Variants in ZNF407 observed in about 807,000 individuals in gnomAD.
ZNF407 encodes the protein zinc finger protein 407.
A neutral mutation model predicts 131.2 loss-of-function variants in ZNF407; 17 were observed. The ratio of observed to expected loss-of-function variants is 0.13; its 90% CI spans 0.09 to 0.19. The LOEUF (loss-of-function observed/expected upper bound fraction) is 0.19, where lower values mean the gene tolerates loss of function less well. Ranked by LOEUF, ZNF407 falls within the 10% of genes least tolerant of loss-of-function variation. The probability of loss-of-function intolerance (pLI) is 1.00; values close to 1 mark genes in which losing one functional copy is unlikely to be tolerated. For missense variants in ZNF407, 2,681 were observed against 2,830.6 expected, an observed-to-expected ratio of 0.95 and a Z score of 1.20; for synonymous variants, 1,156 against 1,062.0, an observed-to-expected ratio of 1.09 and a Z score of -1.72.
rs542288732 is a variant in ZNF407 at position 75,002,446 on chromosome 18, C to G, written c.5429-60704C>G. Among the ~76,000 whole-genome samples, 9 of 152,180 alleles carry G rather than the reference C, an allele frequency of 5.9e-5. No homozygotes were observed. In the South Asian group the frequency reaches 1.9e-3, roughly 32 times the overall value. ...TACGTTCCAGTTCTCATTAAATCAC[C>G]TAAGAGCAGCAGGACCCGGGATGAC... On this transcript the variant is annotated intron_variant, in intron 8 of 8. Coordinates refer to ENST00000299687, the MANE Select transcript of ZNF407 (RefSeq NM_017757.3).
intron 5 of ZNF407, among the ~76,000 whole-genome samples, chr18:74,878,583 G>A (rs1273520035): frequency 6.6e-6 from 1 of 152,068 alleles, no homozygotes; most frequent in Non-Finnish European, 1.5e-5. Flanking sequence ...ATAGATTTTT[G>A]TTGTTAGGTC....
intron 4 of ZNF407, among the ~76,000 whole-genome samples, chr18:74,853,188 C>G (rs968788082): frequency 2.6e-5 from 4 of 152,158 alleles, no homozygotes; most frequent in Admixed American, 6.5e-5. Context: ...AGAGAGCTTG[C>G]AATTAATGCT....
intron 8 of ZNF407, among the ~76,000 whole-genome samples, chr18:75,002,541 G>A (rs565437190): frequency 2.6e-5 from 4 of 152,264 alleles, no homozygotes; most frequent in Non-Finnish European, 2.9e-5. Flanking sequence ...GGTGGCTGAC[G>A]CCTGTAATCC....
intron 8 of ZNF407, among the ~76,000 whole-genome samples, chr18:75,017,811 A>G (rs1973062611): frequency 6.6e-6 from 1 of 152,098 alleles, no homozygotes; most frequent in Non-Finnish European, 1.5e-5. Flanking sequence ...AGTATAGCCA[A>G]AGTTGTTCTT....
At chr18:74,913,953 A>G (rs1057314293) in intron 7 of ZNF407, among the ~76,000 whole-genome samples, 1 of 152,186 alleles carries the variant, frequency 6.6e-6, no homozygotes, top group African/African-American at 2.4e-5. Flanking sequence ...GAAGCCCTAT[A>G]AGGCATGGGT....
chr18:74,845,585 A>G (rs1215996092), intron 4 of ZNF407, among the ~76,000 whole-genome samples: 1 of 152,182 alleles, frequency 6.6e-6, no homozygotes, highest in Non-Finnish European at 1.5e-5. Flanking sequence ...TCATAATTTG[A>G]TTGTATTTGT....
intron 4 of ZNF407, among the ~76,000 whole-genome samples, chr18:74,849,812 A>T (rs147634091): frequency 1.6e-3 from 249 of 152,300 alleles, no homozygotes; most frequent in Middle Eastern, 0.014. Flanking sequence ...TCTCCTGTTT[A>T]TGTACTGTGG....
chr18:74,805,925 T>C (rs1970102252), intron 4 of ZNF407, among the ~76,000 whole-genome samples: 3 of 152,256 alleles, frequency 2.0e-5, no homozygotes. Flanking sequence ...TTTCATTCTT[T>C]GTTTAATGGA....
intron 3 of ZNF407, among the ~76,000 whole-genome samples, chr18:74,695,343 CT>C (rs1967325964): frequency 1.3e-5 from 2 of 152,160 alleles, no homozygotes; most frequent in Admixed American, 1.3e-4. Flanking sequence ...CTGCTTCGTT[CT>C]TCTCGTAGTC....
chr18:74,666,571 C>A (rs757535337), intron 3 of ZNF407, among the ~76,000 whole-genome samples: 4 of 152,106 alleles, frequency 2.6e-5, no homozygotes, highest in Non-Finnish European at 5.9e-5. Flanking sequence ...TCAGTGAGTT[C>A]AGAATAGGCA....
At chr18:74,770,966 G>A (rs1454867324) in intron 3 of ZNF407, among the ~76,000 whole-genome samples, 2 of 152,008 alleles carry the variant, frequency 1.3e-5, no homozygotes, top group Admixed American at 1.3e-4. Flanking sequence ...AAATATAATA[G>A]CATTTATTTT....
At chr18:74,611,398 A>G (rs774436753) in intron 1 of ZNF407, among the ~76,000 whole-genome samples, 2 of 152,246 alleles carry the variant, frequency 1.3e-5, no homozygotes, top group Non-Finnish European at 2.9e-5. Context: ...ATAAAAGGTT[A>G]GTATCCAGCA....
chr18:74,949,918 TC>T (rs1972194796), intron 8 of ZNF407, among the ~76,000 whole-genome samples: 1 of 152,192 alleles, frequency 6.6e-6, no homozygotes, highest in Non-Finnish European at 1.5e-5. Context: ...ATTAAAATGT[TC>T]AAGAAAAAAC....
At chr18:74,598,114 GCCTT>G (rs1402236170) in intron 1 of ZNF407, 177 bp downstream of exon 1, 1 of 133,898 alleles carries the variant, frequency 7.5e-6, no homozygotes, top group African/African-American at 2.8e-5. Context: ...CCTCCCTGTC[GCCTT>G]CCTTCCCGAC....
Position 75,063,297 on chromosome 18 carries a change from C to T in ZNF407, c.5576C>T (p.Pro1859Leu). 1 of 1,613,696 alleles carries T rather than the reference C, an allele frequency of 6.2e-7. No homozygotes were observed. The highest frequency in any genetic ancestry group is 8.5e-7 in the Non-Finnish European group (1 of 1,179,876). The change falls in exon 9 of 9, where the codon CCC becomes CTC. Residue 1859 changes from proline (P) to leucine (L), a missense_variant. Coordinates refer to ENST00000299687, the MANE Select transcript of ZNF407 (RefSeq NM_017757.3). The surrounding 1 kb of genome is among the most constrained non-coding windows in gnomAD (Gnocchi z 6.6). ...PLRSSRRPAP[P>L]PEQVQQVIIF... ...AGAAGCAGCAGGAGGCCAGCGCCGC[C>T]CCCTGAGCAGGTGCAGCAGGTCATC...
chr18:74,890,621 G>C (rs530897371), intron 7 of ZNF407, among the ~76,000 whole-genome samples: 14 of 152,238 alleles, frequency 9.2e-5, no homozygotes, highest in African/African-American at 3.1e-4. Context: ...ACCCATTTAT[G>C]GTATCTTGTC....
intron 3 of ZNF407, among the ~76,000 whole-genome samples, chr18:74,749,106 CA>C (rs1968738155): frequency 6.6e-6 from 1 of 152,154 alleles, no homozygotes; most frequent in Admixed American, 6.5e-5. Context: ...GCAGATGAGG[CA>C]GGGGACTAAC....
intron 4 of ZNF407, among the ~76,000 whole-genome samples, chr18:74,869,499 A>C (rs1177807832): frequency 1.3e-5 from 2 of 152,190 alleles, no homozygotes; most frequent in Admixed American, 6.5e-5. Context: ...TCTCATGTTG[A>C]AGTTTTAAAG....
At position 74,913,350 on chromosome 18, in the gene ZNF407, C is replaced by T. The variant is rs561956648; in HGVS notation, c.5250-7164C>T. Among the ~76,000 whole-genome samples, 5 of 152,254 alleles carry T rather than the reference C, an allele frequency of 3.3e-5. No individual in the cohort carries two copies. In the East Asian group the frequency reaches 9.6e-4, roughly 29 times the overall value. On this transcript the variant is annotated intron_variant, in intron 7 of 8. Coordinates refer to ENST00000299687, the MANE Select transcript of ZNF407 (RefSeq NM_017757.3). ...AGTTAGATAGAATAGGTTGTGTCCACACTGAAATACTATGAAGCTGTTAAA... is the reference window on the plus strand; with the variant it reads ...AGTTAGATAGAATAGGTTGTGTCCATACTGAAATACTATGAAGCTGTTAAA...
Sources: gnomAD v4.1 joint callset for allele counts (sites outside exome capture counted in the v4.1 genomes callset) on GRCh38, gnomAD v4.1.1 for gene constraint, Gnocchi (gnomAD v3.1) non-coding constraint, MANE v1.5 for transcripts, NCBI Gene and HGNC (gene_info 2026-07-23, HGNC 2026-07-21) for gene names.